The following STK33 variants were observed in gnomAD, a reference collection of about 807,000 sequenced individuals.
The protein encoded by STK33 is serine/threonine kinase 33.
STK33 carries 52 observed loss-of-function variants against 58.0 expected under a neutral mutation model. The ratio of observed to expected loss-of-function variants is 0.90; its 90% confidence interval spans 0.72 to 1.13. The LOEUF (loss-of-function observed/expected upper bound fraction) is 1.13. STK33 is among the 50% of genes most tolerant of loss of function. The pLI, the probability that STK33 is intolerant of heterozygous loss-of-function variation, is 0.00. For missense variants in STK33, 630 were observed against 604.2 expected (o/e 1.04, Z -0.45); for synonymous variants, 215 against 200.1 (o/e 1.07, Z -0.63).
the STK33 span, among the ~76,000 whole-genome samples, chr11:8,348,671 T>C: frequency 6.6e-6 from 1 of 152,298 alleles, no homozygotes; most frequent in East Asian, 1.9e-4. Flanking sequence ...CTCAGTTGTG[T>C]AAAAGGAGCT....
At chr11:8,393,046 C>G (rs1386448017) in intron 15 of STK33, among the ~76,000 whole-genome samples, 1 of 152,210 alleles carries the variant, frequency 6.6e-6, no homozygotes, top group Non-Finnish European at 1.5e-5. Flanking sequence ...CAGATTTCTA[C>G]ACAAGCTCTG....
chr11:8,421,241 C>T (rs1941879802), intron 14 of STK33, among the ~76,000 whole-genome samples: 2 of 152,104 alleles, frequency 1.3e-5, no homozygotes, highest in Admixed American at 6.6e-5. Context: ...ATATATTCAC[C>T]TATATTTCCA....
chr11:8,352,679 G>C, the STK33 span, among the ~76,000 whole-genome samples: 19 of 152,230 alleles, frequency 1.2e-4, no homozygotes, highest in Non-Finnish European at 2.6e-4. Context: ...CAGTAATTAA[G>C]TAGAATGACT....
At chr11:8,391,705 A>G (rs1483892383), downstream of STK33, among the ~76,000 whole-genome samples, 5 of 152,204 alleles carry the variant, frequency 3.3e-5, no homozygotes, top group African/African-American at 9.6e-5. Flanking sequence ...TGGAAAGGAG[A>G]TGTCTATAAA....
Position 8,423,986 on chromosome 11 carries a change from T to C in STK33, c.1147-10294A>G, listed in dbSNP as rs187546652. On this transcript the variant is annotated intron_variant, in intron 14 of 15. Transcript: ENST00000687296. ...TAATGATGATTTGTTTGTGTTAAGG[T>C]ATATATATATTTTTATTATACTTTA... 3.1e-3 allele frequency among the ~76,000 whole-genome samples: 464 copies of C among 152,066 alleles called. 2 individuals are homozygous for C. The highest frequency in any genetic ancestry group is 6.8e-3 in the Middle Eastern group (2 of 294).
chr11:8,393,568 G>C (rs1848866063), intron 15 of STK33, among the ~76,000 whole-genome samples: 1 of 152,112 alleles, frequency 6.6e-6, no homozygotes, highest in African/African-American at 2.4e-5. Flanking sequence ...GCAGCACAGG[G>C]GCCCAGCCAC....
intron 1 of STK33, among the ~76,000 whole-genome samples, chr11:8,488,901 T>C (rs754564144): frequency 8.5e-5 from 13 of 152,172 alleles, no homozygotes; most frequent in Non-Finnish European, 1.3e-4. Flanking sequence ...TTGAACTTAC[T>C]AGACAAAGAC....
At chr11:8,491,124 G>A (rs951945611) in intron 1 of STK33, among the ~76,000 whole-genome samples, 2 of 152,242 alleles carry the variant, frequency 1.3e-5, no homozygotes, top group East Asian at 3.9e-4. Context: ...GCTTCAGAAG[G>A]TCAGGAATAA....
chr11:8,546,561 T>G (rs1955928093), intron 1 of STK33, among the ~76,000 whole-genome samples: 1 of 152,066 alleles, frequency 6.6e-6, no homozygotes, highest in African/African-American at 2.4e-5. Context: ...ACTATATTTT[T>G]GTACTCACTA....
chr11:8,494,629 C>T (rs1468680681), intron 1 of STK33, among the ~76,000 whole-genome samples: 6 of 152,294 alleles, frequency 3.9e-5, no homozygotes, highest in South Asian at 2.1e-4. Context: ...AAAGAGCCCA[C>T]ATTGCCAAGA....
chr11:8,504,527 G>A (rs780818474), intron 1 of STK33, among the ~76,000 whole-genome samples: 45 of 152,124 alleles, frequency 3.0e-4, no homozygotes, highest in Non-Finnish European at 7.3e-5. Context: ...CATGGCTCAC[G>A]TCTATAATCC....
At chr11:8,505,753 A>C (rs898628030) in intron 1 of STK33, among the ~76,000 whole-genome samples, 4 of 152,214 alleles carry the variant, frequency 2.6e-5, no homozygotes, top group African/African-American at 4.8e-5. Context: ...TTGTCAAAAG[A>C]AGCACTCTAT....
intron 1 of STK33, chr11:8,565,855 G>A (rs1223000770): frequency 6.6e-6 from 1 of 152,134 alleles, no homozygotes; most frequent in Admixed American, 6.6e-5. Flanking sequence ...ACAATCCCCT[G>A]GGTTAAGTTA....
In STK33 at chr11:8,449,325, C is replaced by T. The variant is rs141716365; in HGVS notation, c.871+3497G>A. Among the ~76,000 whole-genome samples, 137 of 151,744 alleles carry T rather than the reference C, an allele frequency of 9.0e-4. 4 individuals are homozygous for T. Among genetic ancestry groups the T allele is most frequent in the African/African-American group, 3.2e-3 (133 of 41,004 alleles). ...TATAAATCATGCTGCCATAAAGACA[C>T]ATGCACACATATGTTTACTGCGGCA... On this transcript the variant is annotated intron_variant, in intron 11 of 15. Transcript: ENST00000687296.
At chr11:8,442,707 C>T (rs1298839229) in intron 11 of STK33, among the ~76,000 whole-genome samples, 1 of 152,040 alleles carries the variant, frequency 6.6e-6, no homozygotes, top group Non-Finnish European at 1.5e-5. Context: ...AGCCTTTTCC[C>T]AAATAAGATA....
At chr11:8,411,947 T>A (rs945066910) in intron 15 of STK33, among the ~76,000 whole-genome samples, 3 of 152,140 alleles carry the variant, frequency 2.0e-5, no homozygotes, top group African/African-American at 7.2e-5. Flanking sequence ...TTCATTAATT[T>A]GTGACTTGCA....
At chr11:8,577,237 A>G (rs764779478) in intron 1 of STK33, among the ~76,000 whole-genome samples, 1 of 152,202 alleles carries the variant, frequency 6.6e-6, no homozygotes, top group African/African-American at 2.4e-5. Context: ...TTCTGGATAA[A>G]AGATTTTAAA....
intron 1 of STK33, among the ~76,000 whole-genome samples, chr11:8,491,208 C>T (rs1345952720): frequency 3.3e-5 from 5 of 152,050 alleles, no homozygotes; most frequent in African/African-American, 7.2e-5. Flanking sequence ...AAAGATTAGA[C>T]GAATAGCTAA....
chr11:8,417,770 AATAG>A (rs752473064), intron 14 of STK33, among the ~76,000 whole-genome samples: 13 of 152,280 alleles, frequency 8.5e-5, no homozygotes, highest in South Asian at 8.3e-4. Context: ...ATTTTCACCT[AATAG>A]ATAGACAAAA....
Sources: allele counts gnomAD v4.1 joint callset (sites outside exome capture counted in the v4.1 genomes callset), GRCh38; gene constraint gnomAD v4.1.1; transcripts MANE v1.5; gene names NCBI Gene and HGNC (gene_info 2026-07-23, HGNC 2026-07-21).